Variants in MEA1 observed in about 807,000 individuals in gnomAD.
MEA1 encodes the protein Male-enhanced antigen (H-Y structural gene).
MEA1 carries 22 observed loss-of-function variants against 21.4 expected under a neutral mutation model. The ratio of observed to expected loss-of-function variants is 1.03; its 90% CI spans 0.73 to 1.47. The LOEUF is 1.47. Ranked by LOEUF, MEA1 falls within the 40% of genes most tolerant of loss-of-function variation. MEA1 has a pLI of 0.00. For synonymous variants in MEA1, 91 were observed against 85.5 expected (o/e 1.06, Z -0.35); for missense variants, 233 against 230.5 (o/e 1.01, Z -0.07).
intron 3 of MEA1, 46 bp from the exon 4 acceptor site, chr6:43,012,667 C>T (rs778964067): frequency 2.6e-6 from 4 of 1,548,898 alleles, no homozygotes; most frequent in Admixed American, 2.0e-5. Flanking sequence ...ATAATGGGAC[C>T]AGCTCCCCTC....
intron 2 of MEA1, 23 bp from the exon 3 acceptor site, chr6:43,013,051 T>C (rs1236307243): frequency 6.2e-7 from 1 of 1,613,990 alleles, no homozygotes; most frequent in East Asian, 2.2e-5. Context: ...AGAAGACCGT[T>C]TGGGTCTAGG....
chr6:43,015,616 G>A (rs1762549639), upstream of MEA1, among the ~76,000 whole-genome samples: 1 of 152,092 alleles, frequency 6.6e-6, no homozygotes, highest in African/African-American at 2.4e-5. Flanking sequence ...TCAGGAGACC[G>A]AGGACGGTGG....
upstream of MEA1, chr6:43,014,651 G>C (rs767433606): frequency 2.2e-6 from 1 of 456,332 alleles, no homozygotes; most frequent in Non-Finnish European, 4.4e-6. Context: ...TGGTGGGCTA[G>C]GGGAGGCCGG....
chr6:43,013,048 C>A lies in MEA1; in HGVS notation c.304-20G>T, dbSNP rs765732296. 1.2e-6 allele frequency: 2 copies of A among 1,613,996 alleles called. No individual in the cohort carries two copies. Among genetic ancestry groups the A allele is most frequent in the South Asian group, 2.2e-5 (2 of 91,084 alleles). On this transcript the variant is annotated intron_variant, in intron 2 of 3. Transcript: ENST00000244711. ...CAGGGCCTGCAGAGCCACAGAAGAC[C>A]GTTTGGGTCTAGGCTTTCAGGGAGC...
intron 1 of MEA1, 86 bp downstream of exon 1, chr6:43,013,700 C>T: frequency 2.2e-6 from 3 of 1,386,828 alleles, no homozygotes; most frequent in Middle Eastern, 3.6e-4. Context: ...TCCCCCGCGA[C>T]TTGGGAACTC....
chr6:43,011,146 C>A lies in MEA1; in HGVS notation c.*1324G>T. 6.2e-7 allele frequency: 1 copy of A among 1,614,146 alleles called. No individual in the cohort carries two copies. The highest frequency in any genetic ancestry group is 8.5e-7 in the Non-Finnish European group (1 of 1,179,998). ...TCCTCACCTTGTCCCTATTCACACA[C>A]AGATGCTAAAAGACATCAAGAAGGA... On this transcript the variant is annotated 3_prime_UTR_variant, in exon 4 of 4. Transcript: ENST00000244711.
chr6:43,012,082 C>T lies in MEA1; in HGVS notation c.*388G>A, dbSNP rs1039975849. The T allele has an allele frequency of 1.6e-5, 8 of 498,756 alleles. No individual in the cohort carries two copies. Among genetic ancestry groups the T allele is most frequent in the Non-Finnish European group, 2.1e-5 (8 of 383,184 alleles). The allele number at this position is 498,756 out of a possible 1,614,324, so 30.9% of individuals were successfully genotyped here. ...GAAAGAAGGAAGCAGGGAGCGGTGC[C>T]CCAAGCATGGCTCCTGCCAACACCT... is the stretch of plus-strand genomic sequence containing the variant. On this transcript the variant is annotated 3_prime_UTR_variant, in exon 4 of 4. Coordinates refer to ENST00000244711, the MANE Select transcript of MEA1 (RefSeq NM_014623.4).
intron 1 of MEA1, 108 bp downstream of exon 1, chr6:43,013,678 C>A: frequency 8.2e-7 from 1 of 1,222,074 alleles, no homozygotes; most frequent in East Asian, 2.5e-5. Flanking sequence ...CCCCGGCTCC[C>A]CGCGCCACGC....
In MEA1 at chr6:43,012,070, A is replaced by T; in HGVS notation, c.*400T>A. On this transcript the variant is annotated 3_prime_UTR_variant, in exon 4 of 4. Coordinates refer to ENST00000244711, the MANE Select transcript of MEA1 (RefSeq NM_014623.4). ...TTCCCAAAACTAGAAAGAAGGAAGC[A>T]GGGAGCGGTGCCCCAAGCATGGCTC... 2.5e-6 allele frequency: 1 copy of T among 394,472 alleles called. No individual in the cohort carries two copies. Among genetic ancestry groups the T allele is most frequent in the Non-Finnish European group, 3.5e-6 (1 of 288,326 alleles). 24.4% of individuals were successfully genotyped at this position (394,472 alleles called of 1,614,324 possible).
chr6:43,012,542 T>C lies in MEA1; in HGVS notation c.486A>G (p.Ile162Met). Reference sequence around the variant, plus strand: ...CCACATCTTCCCACTGGGCATCCGATATCTCCCGAGCCCAGGCAGGAACCC... The same window carrying C: ...CCACATCTTCCCACTGGGCATCCGACATCTCCCGAGCCCAGGCAGGAACCC... Reference protein sequence around the residue: ...APGVPAWAREISDAQWEDVVQ... With the variant: ...APGVPAWAREMSDAQWEDVVQ... The change falls in exon 4 of 4, where the codon ATA (isoleucine) becomes ATG (methionine). Residue 162 changes from isoleucine (I) to methionine (M), a missense_variant. By Grantham distance (10) the Ile-to-Met change is conservative (BLOSUM62 1). Transcript: ENST00000244711. 1.2e-6 allele frequency: 2 copies of C among 1,612,394 alleles called. No homozygotes were observed. The highest frequency in any genetic ancestry group is 1.7e-6 in the Non-Finnish European group (2 of 1,179,404).
chr6:43,011,371 G>A lies in MEA1; in HGVS notation c.*1099C>T. The A allele has an allele frequency of 6.4e-7, 1 of 1,555,768 alleles. No homozygotes were observed. The highest frequency in any genetic ancestry group is 8.7e-7 in the Non-Finnish European group (1 of 1,144,966). The stretch of plus-strand genomic sequence containing the variant: ...CTCCATACTCTGCTCCCTACTGGCT[G>A]TCTTGGGGGAAGGCAGCGCCTCTCT... On this transcript the variant is annotated 3_prime_UTR_variant, in exon 4 of 4. Transcript: ENST00000244711.
chr6:43,014,105 A>G (rs1046241575), upstream of MEA1: 1 of 1,414,534 alleles, frequency 7.1e-7, no homozygotes, highest in African/African-American at 1.4e-5. Context: ...ACATGCGCAG[A>G]ATCTCTCCTA....
At position 43,012,629 on chromosome 6, in the gene MEA1, C is replaced by T; in HGVS notation, c.407-8G>A. 6.3e-7 allele frequency: 1 copy of T among 1,590,352 alleles called. No homozygotes were observed. Among genetic ancestry groups the T allele is most frequent in the Non-Finnish European group, 8.5e-7 (1 of 1,169,904 alleles). ...TCACCAGCTCTACATGTTCTGAAAT[C>T]AGAGCCAGAGGCCATTCAGGCATAG... is the stretch of plus-strand genomic sequence containing the variant. On this transcript the variant is annotated splice_polypyrimidine_tract_variant and splice_region_variant and intron_variant, in intron 3 of 3. Coordinates refer to ENST00000244711, the MANE Select transcript of MEA1 (RefSeq NM_014623.4).
In MEA1 at chr6:43,012,483, G is replaced by A; in HGVS notation, c.545C>T (p.Pro182Leu). The A allele has an allele frequency of 6.2e-7, 1 of 1,601,124 alleles. No homozygotes were observed. The highest frequency in any genetic ancestry group is 1.1e-5 in the South Asian group (1 of 89,158). The change falls in exon 4 of 4, where the codon CCT becomes CTT. Residue 182 changes from proline (P) to leucine (L), a missense_variant. By Grantham distance (98) the Pro-to-Leu change is moderately conservative. Transcript: ENST00000244711. Reference protein sequence around the residue: ...QKALQARQASPAWK With the variant: ...QKALQARQASLAWK ...CTCTCACTGTGGTCACTTCCAGGCA[G>A]GGGATGCCTGCCGGGCTTGGAGGGC...
At chr6:43,013,461 CT>C in intron 1 of MEA1, 72 bp from the exon 2 acceptor site, 1 of 1,524,180 alleles carries the variant, frequency 6.6e-7, no homozygotes, top group Non-Finnish European at 8.8e-7. Flanking sequence ...TCATCATCTC[CT>C]TGTAGTCTCC....
chr6:43,012,613 C>T lies in MEA1; in HGVS notation c.415G>A (p.Glu139Lys). ...SSIPMDPEHV[E>K]LVKRTMAGVS... ...CCAGCCATTGTCCTTTTCACCAGCT[C>T]TACATGTTCTGAAATCAGAGCCAGA... Residue 139 changes from glutamate (E) to lysine (K), a missense_variant, in exon 4 of 4, where the codon GAG becomes AAG. Transcript: ENST00000244711. The T allele has an allele frequency of 6.3e-7, 1 of 1,598,000 alleles. No homozygotes were observed. Among genetic ancestry groups the T allele is most frequent in the Non-Finnish European group, 8.5e-7 (1 of 1,173,932 alleles).
rs780909264 is a variant in MEA1 at position 43,013,899 on chromosome 6, C to A, written c.-86G>T. ...CGCCGGTGTTCCCGCGCGCCTCACC[C>A]GCTCAGAGCCCGCGGCCTCCACTTC... On this transcript the variant is annotated 5_prime_UTR_variant, in exon 1 of 4. Coordinates refer to ENST00000244711, the MANE Select transcript of MEA1 (RefSeq NM_014623.4). 2.7e-5 allele frequency: 40 copies of A among 1,496,906 alleles called. No homozygotes were observed. Among genetic ancestry groups the A allele is most frequent in the Middle Eastern group, 4.8e-4 (2 of 4,188 alleles). 92.7% of individuals were successfully genotyped at this position (1,496,906 alleles called of 1,614,324 possible).
chr6:43,011,587 T>G lies in MEA1; in HGVS notation c.*883A>C. On this transcript the variant is annotated 3_prime_UTR_variant, in exon 4 of 4. Coordinates refer to ENST00000244711, the MANE Select transcript of MEA1 (RefSeq NM_014623.4). ...CACCCACAGCTACCTGAGGCTGCTC[T>G]GAGAAGTACACACAGGAATACATAC... 1 of 471,302 alleles carries G rather than the reference T, an allele frequency of 2.1e-6. No individual in the cohort carries two copies. Among genetic ancestry groups the G allele is most frequent in the South Asian group, 2.4e-5 (1 of 42,444 alleles). 29.2% of individuals were successfully genotyped at this position (471,302 alleles called of 1,614,324 possible). A position where few individuals can be genotyped will look rare whatever the true frequency, so the allele number is the denominator to read the frequency against.
At chr6:43,013,580 A>T in intron 1 of MEA1, 191 bp from the exon 2 acceptor site, 2 of 807,798 alleles carry the variant, frequency 2.5e-6, no homozygotes, top group South Asian at 1.8e-5. Context: ...CTTATCTTGA[A>T]CCAGGCCCCA....
Sources: gnomAD v4.1 joint callset for allele counts (sites outside exome capture counted in the v4.1 genomes callset) on GRCh38, gnomAD v4.1.1 for gene constraint, MANE v1.5 for transcripts, NCBI Gene and HGNC (gene_info 2026-07-23, HGNC 2026-07-21) for gene names.